The following WDR25 variants were observed in gnomAD, a reference collection of about 807,000 sequenced individuals.
WDR25 encodes the protein WD repeat domain 25.
In WDR25, 35 loss-of-function variants were observed where a neutral mutation model predicts 47.7. The observed-to-expected ratio is 0.73, with a 90% confidence interval of 0.56 to 0.97. WDR25 has a LOEUF of 0.97. WDR25 is among the 50% of genes least tolerant of loss of function. WDR25 has a pLI of 0.00. For synonymous variants in WDR25, 248 were observed against 278.9 expected, an observed-to-expected ratio of 0.89 and a Z score of 1.10; for missense variants, 634 against 704.7, an observed-to-expected ratio of 0.90 and a Z score of 1.14.
intron 2 of WDR25, among the ~76,000 whole-genome samples, chr14:100,429,598 C>T (rs1465722951): frequency 6.6e-6 from 1 of 152,132 alleles, no homozygotes; most frequent in Non-Finnish European, 1.5e-5. Flanking sequence ...TTGTCTTAGT[C>T]TGCTTGGACT....
intron 5 of WDR25, 82 bp from the exon 6 acceptor site, chr14:100,528,986 T>C: frequency 6.8e-7 from 1 of 1,475,876 alleles, no homozygotes; most frequent in Non-Finnish European, 9.0e-7. Flanking sequence ...AGCTAGGGTC[T>C]GGGAGCAGGC....
At chr14:100,451,264 C>G (rs1017111930) in intron 2 of WDR25, among the ~76,000 whole-genome samples, 1 of 145,056 alleles carries the variant, frequency 6.9e-6, no homozygotes, top group Non-Finnish European at 1.5e-5. Context: ...TTTTTTGAGA[C>G]GAGGTCTCAC....
At chr14:100,514,407 A>G (rs1901423189) in intron 4 of WDR25, among the ~76,000 whole-genome samples, 2 of 151,942 alleles carry the variant, frequency 1.3e-5, no homozygotes, top group Non-Finnish European at 2.9e-5. Flanking sequence ...TTGGGTTTAA[A>G]TCTGCTACCT....
At chr14:100,422,242 G>A (rs1898047116) in intron 2 of WDR25, among the ~76,000 whole-genome samples, 2 of 152,198 alleles carry the variant, frequency 1.3e-5, no homozygotes, top group South Asian at 4.1e-4. Flanking sequence ...CTGTCTGCTG[G>A]GACCCTGGCT....
At chr14:100,511,444 A>T (rs572972245) in intron 4 of WDR25, among the ~76,000 whole-genome samples, 6 of 152,184 alleles carry the variant, frequency 3.9e-5, no homozygotes, top group African/African-American at 1.4e-4. Flanking sequence ...TGGATTTTCT[A>T]TATAGATAAT....
At chr14:100,518,071 G>T (rs1403052139) in intron 4 of WDR25, among the ~76,000 whole-genome samples, 1 of 151,952 alleles carries the variant, frequency 6.6e-6, no homozygotes, top group Non-Finnish European at 1.5e-5. Flanking sequence ...GTTTTTTGCT[G>T]CTGTTCCTTC....
intron 2 of WDR25, chr14:100,455,596 C>T (rs966682919): frequency 6.6e-6 from 1 of 150,822 alleles, no homozygotes; most frequent in Non-Finnish European, 1.5e-5. Flanking sequence ...CAAAGAAAAC[C>T]ACACCTAGGC....
intron 2 of WDR25, among the ~76,000 whole-genome samples, chr14:100,417,248 G>T (rs1236249435): frequency 6.6e-6 from 1 of 152,242 alleles, no homozygotes; most frequent in Non-Finnish European, 1.5e-5. Flanking sequence ...TGCCAGGCCT[G>T]GTGCTGACAC....
intron 4 of WDR25, among the ~76,000 whole-genome samples, chr14:100,495,148 A>G (rs1336146722): frequency 1.3e-5 from 2 of 152,188 alleles, no homozygotes; most frequent in Admixed American, 6.5e-5. Flanking sequence ...CAAGGTCAGG[A>G]GTTTGAGACC....
intron 2 of WDR25, among the ~76,000 whole-genome samples, chr14:100,405,129 G>T (rs1255779133): frequency 6.6e-6 from 1 of 151,550 alleles, no homozygotes; most frequent in African/African-American, 2.4e-5. Context: ...CAACAAGGAT[G>T]CTGAGCTCAG....
At chr14:100,405,139 G>C (rs1897494100) in intron 2 of WDR25, among the ~76,000 whole-genome samples, 1 of 150,946 alleles carries the variant, frequency 6.6e-6, no homozygotes, top group African/African-American at 2.4e-5. Context: ...GCTGAGCTCA[G>C]GGGCCTAGGA....
intron 3 of WDR25, among the ~76,000 whole-genome samples, chr14:100,478,512 TA>T (rs1388399904): frequency 6.6e-6 from 1 of 152,246 alleles, no homozygotes; most frequent in Non-Finnish European, 1.5e-5. Flanking sequence ...ATTTCTACCT[TA>T]GTCTTTTCAC....
At chr14:100,397,408 A>G (rs1380334320) in intron 2 of WDR25, among the ~76,000 whole-genome samples, 1 of 152,226 alleles carries the variant, frequency 6.6e-6, no homozygotes, top group African/African-American at 2.4e-5. Context: ...TTTCTCTTTT[A>G]AAGAATTGCC....
chr14:100,476,082 T>C (rs1900006791), intron 3 of WDR25, among the ~76,000 whole-genome samples: 1 of 152,236 alleles, frequency 6.6e-6, no homozygotes, highest in Non-Finnish European at 1.5e-5. Context: ...ATCAGTTGTC[T>C]GGGGCTTAGC....
rs1898109905 is a variant in WDR25 at position 100,424,378 on chromosome 14, C to T, written c.822+42632C>T. Among the ~76,000 whole-genome samples the T allele has an allele frequency of 6.6e-6, 1 of 152,206 alleles. No individual in the cohort carries two copies. The highest frequency in any genetic ancestry group is 2.4e-5 in the African/African-American group (1 of 41,448). ...ATCCCGTGTAAACAAACATCAGCAC[C>T]TGTTATCCTAATTAAACCTCAGACC... On this transcript the variant is annotated intron_variant, in intron 2 of 6. Transcript: ENST00000402312. The surrounding 1 kb of genome is among the most constrained non-coding windows in gnomAD (Gnocchi z 4.2).
At chr14:100,446,149 A>G (rs185660058) in intron 2 of WDR25, among the ~76,000 whole-genome samples, 2 of 152,296 alleles carry the variant, frequency 1.3e-5, no homozygotes, top group Admixed American at 1.3e-4. Context: ...CAGTTGGAGT[A>G]TAGAGGAGGA....
intron 3 of WDR25, among the ~76,000 whole-genome samples, chr14:100,469,148 C>T (rs1429765786): frequency 6.6e-6 from 1 of 152,074 alleles, no homozygotes; most frequent in Non-Finnish European, 1.5e-5. Flanking sequence ...CCTAGCCCCG[C>T]AGTGGTGGTG....
chr14:100,460,745 T>A (rs997340859), intron 2 of WDR25, among the ~76,000 whole-genome samples: 5 of 152,190 alleles, frequency 3.3e-5, no homozygotes, highest in Non-Finnish European at 5.9e-5. Flanking sequence ...AATGTCGTTC[T>A]TAACTGTGTA....
intron 1 of WDR25, among the ~76,000 whole-genome samples, chr14:100,379,056 A>C (rs1391822525): frequency 6.7e-6 from 1 of 148,856 alleles, no homozygotes; most frequent in Non-Finnish European, 1.5e-5. Context: ...GGTGCAGGGG[A>C]AAGTGGCAGG....
Sources: gnomAD v4.1 joint callset for allele counts (sites outside exome capture counted in the v4.1 genomes callset) on GRCh38, gnomAD v4.1.1 for gene constraint, Gnocchi (gnomAD v3.1) non-coding constraint, MANE v1.5 for transcripts, NCBI Gene and HGNC (gene_info 2026-07-23, HGNC 2026-07-21) for gene names.